The following GOLT1A variants were observed in gnomAD, a reference collection of about 807,000 sequenced individuals.
GOLT1A encodes the protein golgi transport 1A.
In GOLT1A, 10 loss-of-function variants were observed where a neutral mutation model predicts 16.1. The observed-to-expected ratio is 0.62, with a 90% CI of 0.38 to 1.05. The LOEUF is 1.05. GOLT1A is among the 50% of genes least tolerant of loss of function. The pLI, the probability that GOLT1A is intolerant of heterozygous loss-of-function variation, is 0.01. For missense variants in GOLT1A, 137 were observed against 165.7 expected, an observed-to-expected ratio of 0.83 and a Z score of 0.95; for synonymous variants, 60 against 67.9, an observed-to-expected ratio of 0.88 and a Z score of 0.57.
intron 1 of GOLT1A, 110 bp downstream of exon 1, chr1:204,213,772 T>G (rs1659174015): frequency 1.6e-6 from 2 of 1,285,688 alleles, no homozygotes; most frequent in South Asian, 1.3e-5. Context: ...TCCCAGCCCC[T>G]GGCTCCAGAG....
At chr1:204,203,913 G>A (rs756846006) in intron 1 of GOLT1A, among the ~76,000 whole-genome samples, 11 of 152,154 alleles carry the variant, frequency 7.2e-5, no homozygotes, top group East Asian at 1.9e-4. Flanking sequence ...GCCAGCAAGC[G>A]TAGCCTAGAA....
intron 1 of GOLT1A, among the ~76,000 whole-genome samples, chr1:204,206,438 C>T (rs1659040313): frequency 6.6e-6 from 1 of 152,260 alleles, no homozygotes; most frequent in African/African-American, 2.4e-5. Context: ...ACATTTCCAT[C>T]CTCAGAGACA....
rs142460801 is a variant in GOLT1A, at chr1:204,201,673, C to T, written c.256G>A (p.Gly86Ser). The change falls in exon 3 of 5, where the codon GGC (glycine) becomes AGC (serine). Residue 86 changes from glycine to serine, a missense_variant. Transcript: ENST00000308302. Reference sequence around the variant, plus strand: ...AATCCGTAGGTTTCCAGGAACATGCCGAGGAGGGGCCAGCGTAGGAGCACG... The same window carrying T: ...AATCCGTAGGTTTCCAGGAACATGCTGAGGAGGGGCCAGCGTAGGAGCACG... ...VIVLLRWPLL[G>S]MFLETYGFFS... 3.5e-4 allele frequency: 559 copies of T among 1,613,928 alleles called. 1 individual carries two copies. Among genetic ancestry groups the T allele is most frequent in the Non-Finnish European group, 4.7e-4 (549 of 1,180,008 alleles).
At chr1:204,203,809 GAGCCCCCATTCCCAAGGTTTGACAGTA>G (rs1658999374) in intron 1 of GOLT1A, among the ~76,000 whole-genome samples, 3 of 151,330 alleles carry the variant, frequency 2.0e-5, no homozygotes, top group African/African-American at 4.9e-5. Context: ...GTTTGACAGT[GAGCCCCCATTCCCAAGGTTTGACAGTA>G]AGCCCCCATT....
chr1:204,211,119 T>C (rs570183413), intron 1 of GOLT1A, among the ~76,000 whole-genome samples: 2 of 152,326 alleles, frequency 1.3e-5, no homozygotes, highest in Non-Finnish European at 2.9e-5. Flanking sequence ...CCTGGACGTA[T>C]GCAGCAGCCC....
At chr1:204,202,624 C>T (rs1287789217) in intron 2 of GOLT1A, among the ~76,000 whole-genome samples, 1 of 152,008 alleles carries the variant, frequency 6.6e-6, no homozygotes, top group African/African-American at 2.4e-5. Flanking sequence ...TTAGAACCCC[C>T]AGGGTCTCGC....
intron 1 of GOLT1A, among the ~76,000 whole-genome samples, chr1:204,205,307 G>A (rs891631169): frequency 3.3e-5 from 5 of 151,884 alleles, no homozygotes; most frequent in Non-Finnish European, 7.4e-5. Context: ...TTATTTTTAG[G>A]GCTTTGATCT....
intron 4 of GOLT1A, 65 bp downstream of exon 4, chr1:204,199,130 C>T (rs889722727): frequency 1.9e-5 from 26 of 1,394,164 alleles, no homozygotes; most frequent in African/African-American, 5.7e-5. Context: ...TTACCAGCTC[C>T]CCTCCGTGTG....
intron 1 of GOLT1A, among the ~76,000 whole-genome samples, chr1:204,208,188 C>T (rs1163512901): frequency 2.0e-5 from 3 of 151,758 alleles, no homozygotes; most frequent in African/African-American, 4.8e-5. Context: ...AATCATTATA[C>T]GGAAAAGATA....
chr1:204,206,600 T>C (rs6685338), intron 1 of GOLT1A, among the ~76,000 whole-genome samples: 14,553 of 152,374 alleles, frequency 0.096, 1,108 homozygotes, highest in African/African-American at 0.21. Flanking sequence ...ATATCTGTTG[T>C]TGGCTTATGC....
chr1:204,213,079 G>A (rs1342113919), intron 1 of GOLT1A, among the ~76,000 whole-genome samples: 1 of 152,062 alleles, frequency 6.6e-6, no homozygotes, highest in Non-Finnish European at 1.5e-5. Flanking sequence ...ATAAAATAGC[G>A]ACCCCTCCTA....
At chr1:204,199,297 C>T in intron 3 of GOLT1A, 39 bp from the exon 4 acceptor site, 1 of 1,534,540 alleles carries the variant, frequency 6.5e-7, no homozygotes, top group South Asian at 1.2e-5. Flanking sequence ...CAGTGATGGC[C>T]CAGGAAGAGA....
intron 1 of GOLT1A, among the ~76,000 whole-genome samples, chr1:204,203,266 C>T (rs1055590603): frequency 3.3e-5 from 5 of 152,164 alleles, no homozygotes; most frequent in Admixed American, 3.3e-4. Context: ...GCTGCCCTGA[C>T]CACTTTATAC....
intron 4 of GOLT1A, 110 bp from the exon 5 acceptor site, chr1:204,198,606 G>A (rs1384222691): frequency 6.0e-6 from 6 of 1,004,608 alleles, no homozygotes; most frequent in African/African-American, 1.6e-5. Context: ...GCGCAGATAC[G>A]AGAGGGGCTG....
At chr1:204,200,436 G>C (rs1658939015) in intron 3 of GOLT1A, among the ~76,000 whole-genome samples, 1 of 150,334 alleles carries the variant, frequency 6.7e-6, no homozygotes, top group Non-Finnish European at 1.5e-5. Flanking sequence ...CAATTCTTGT[G>C]TCTCAGCCTC....
intron 1 of GOLT1A, among the ~76,000 whole-genome samples, chr1:204,205,465 G>A (rs1469075889): frequency 6.6e-6 from 1 of 152,028 alleles, no homozygotes; most frequent in African/African-American, 2.4e-5. Context: ...AAATTTTACT[G>A]GACTTGTTAG....
At chr1:204,210,580 T>C (rs1368878282) in intron 1 of GOLT1A, among the ~76,000 whole-genome samples, 1 of 152,176 alleles carries the variant, frequency 6.6e-6, no homozygotes, top group Non-Finnish European at 1.5e-5. Context: ...TTGGCCACCA[T>C]GCCCAGCTAA....
At chr1:204,204,178 G>A (rs114216688) in intron 1 of GOLT1A, among the ~76,000 whole-genome samples, 6 of 152,018 alleles carry the variant, frequency 3.9e-5, no homozygotes, top group East Asian at 1.9e-4. Flanking sequence ...TTGTGGCAAC[G>A]TGCACATAAA....
At chr1:204,200,299 G>GTGTGTGTATATATATA in intron 3 of GOLT1A, among the ~76,000 whole-genome samples, 5 of 82,672 alleles carry the variant, frequency 6.0e-5, no homozygotes, top group East Asian at 8.0e-4. Context: ...ACATATATGT[G>GTGTGTGTATATATATA]TATATATATA....
Sources: gnomAD v4.1 joint callset for allele counts (sites outside exome capture counted in the v4.1 genomes callset) on GRCh38, gnomAD v4.1.1 for gene constraint, MANE v1.5 for transcripts, NCBI Gene and HGNC (gene_info 2026-07-23, HGNC 2026-07-21) for gene names.